SUSD5: variants seen among roughly 807,000 people sequenced by gnomAD.
SUSD5 encodes sushi domain-containing protein 5.
Under a neutral mutation model 29.5 loss-of-function variants are expected in SUSD5, and 33 were observed. The ratio of observed to expected loss-of-function variants is 1.12; its 90% CI spans 0.85 to 1.49. The LOEUF is 1.49. SUSD5 is among the 40% of genes most tolerant of loss of function. The pLI is 0.00. For missense variants in SUSD5, 776 were observed against 800.6 expected (o/e 0.97, Z 0.37); for synonymous variants, 308 against 325.3 (o/e 0.95, Z 0.57).
Position 33,150,357 on chromosome 3 carries a change from T to G in SUSD5, c.*2385A>C, listed in dbSNP as rs2030842439. On this transcript the variant is annotated 3_prime_UTR_variant, in exon 5 of 5. Transcript: ENST00000309558. Reference sequence around the variant, plus strand: ...TTATTAATACACTGTATTAATAATTTGTAATAAATTTATTAATACACTGTA... The same window carrying G: ...TTATTAATACACTGTATTAATAATTGGTAATAAATTTATTAATACACTGTA... 6.6e-6 allele frequency: 1 copy of G among 152,184 alleles called. No homozygotes were observed. Among genetic ancestry groups the G allele is most frequent in the Non-Finnish European group, 1.5e-5 (1 of 68,032 alleles). 9.4% of individuals were successfully genotyped at this position (152,184 alleles called of 1,614,324 possible).
chr3:33,166,481 A>C (rs552918511), intron 4 of SUSD5, among the ~76,000 whole-genome samples: 1 of 152,286 alleles, frequency 6.6e-6, no homozygotes, highest in South Asian at 2.1e-4. Flanking sequence ...TACTCACCAG[A>C]ATGCTGGGAA....
intron 2 of SUSD5, among the ~76,000 whole-genome samples, chr3:33,208,388 T>C (rs1241349981): frequency 6.6e-6 from 1 of 152,158 alleles, no homozygotes; most frequent in Non-Finnish European, 1.5e-5. Context: ...AAATATATGA[T>C]AATTTCCATT....
intron 3 of SUSD5, among the ~76,000 whole-genome samples, chr3:33,179,330 T>C (rs1037554905): frequency 6.6e-6 from 1 of 152,154 alleles, no homozygotes; most frequent in African/African-American, 2.4e-5. Flanking sequence ...CAGAAATCAA[T>C]ACCCGAAGAA....
At position 33,153,999 on chromosome 3, in the gene SUSD5, G is replaced by A. The variant is rs1489967711; in HGVS notation, c.633C>T (p.Asn211=). Residue 211 remains asparagine, a synonymous_variant, in exon 5 of 5, where the codon AAC becomes AAT. Coordinates refer to ENST00000309558, the MANE Select transcript of SUSD5 (RefSeq NM_015551.2). The part of the protein sequence containing the change: ...EAEAHIDYED[N]FPDDRSVSFR... ...ATGACACAGATCTGTCATCAGGGAA[G>A]TTATCTTCATAGTCAATGTGTGCCT... The A allele has an allele frequency of 6.2e-7, 1 of 1,603,294 alleles. No homozygotes were observed. Among genetic ancestry groups the A allele is most frequent in the South Asian group, 1.1e-5 (1 of 88,732 alleles).
intron 3 of SUSD5, among the ~76,000 whole-genome samples, chr3:33,181,716 C>A (rs1471110134): frequency 6.6e-6 from 1 of 152,078 alleles, no homozygotes; most frequent in Non-Finnish European, 1.5e-5. Flanking sequence ...TTTTACTGTA[C>A]CTTTTCTATG....
intron 3 of SUSD5, among the ~76,000 whole-genome samples, chr3:33,196,499 C>T (rs375879268): frequency 3.0e-4 from 45 of 152,148 alleles, no homozygotes; most frequent in African/African-American, 6.8e-4. Flanking sequence ...TGCCCTAACA[C>T]AGACAACAGC....
chr3:33,218,634 C>T (rs985397369), intron 1 of SUSD5, 52 bp downstream of exon 1: 2 of 1,251,614 alleles, frequency 1.6e-6, no homozygotes, highest in Admixed American at 4.2e-5. Context: ...TACGCCCTCC[C>T]TGCCCGGACC....
chr3:33,180,994 A>G (rs1455957715), intron 3 of SUSD5, among the ~76,000 whole-genome samples: 1 of 150,750 alleles, frequency 6.6e-6, no homozygotes, highest in Non-Finnish European at 1.5e-5. Context: ...AAATAATAAT[A>G]ATAATAATAA....
chr3:33,152,076 T>C lies in SUSD5; in HGVS notation c.*666A>G, dbSNP rs2030910687. 1 of 152,270 alleles carries C rather than the reference T, an allele frequency of 6.6e-6. No homozygotes were observed. Among genetic ancestry groups the C allele is most frequent in the African/African-American group, 2.4e-5 (1 of 41,456 alleles). 9.4% of individuals were successfully genotyped at this position (152,270 alleles called of 1,614,324 possible). On this transcript the variant is annotated 3_prime_UTR_variant, in exon 5 of 5. Coordinates refer to ENST00000309558, the MANE Select transcript of SUSD5 (RefSeq NM_015551.2). ...ATACTGCTCTCATACACTTGGTTTA[T>C]CATGACTATTTATAAAATTTCAGGG...
At chr3:33,203,702 T>C (rs1458086653) in intron 3 of SUSD5, among the ~76,000 whole-genome samples, 3 of 152,190 alleles carry the variant, frequency 2.0e-5, no homozygotes, top group Non-Finnish European at 2.9e-5. Context: ...ACCTAGATAC[T>C]CTGCCTCTGG....
chr3:33,200,806 G>T (rs139968621), intron 3 of SUSD5, among the ~76,000 whole-genome samples: 93 of 152,292 alleles, frequency 6.1e-4, no homozygotes, highest in East Asian at 2.9e-3. Context: ...AAATGGCAAA[G>T]AACTTGGCTG....
At chr3:33,180,848 A>T (rs1030363338) in intron 3 of SUSD5, among the ~76,000 whole-genome samples, 2 of 149,560 alleles carry the variant, frequency 1.3e-5, no homozygotes, top group African/African-American at 2.5e-5. Flanking sequence ...TCAAAAAAAA[A>T]ATTTTTTTTT....
At chr3:33,195,184 GACTCTGT>G (rs2125627920) in intron 3 of SUSD5, among the ~76,000 whole-genome samples, 1 of 152,318 alleles carries the variant, frequency 6.6e-6, no homozygotes, top group Admixed American at 6.5e-5. Flanking sequence ...GACAGAGTGA[GACTCTGT>G]CTCAAAACAA....
intron 3 of SUSD5, among the ~76,000 whole-genome samples, chr3:33,207,230 A>G (rs1050056027): frequency 6.6e-6 from 1 of 152,164 alleles, no homozygotes; most frequent in Admixed American, 6.5e-5. Context: ...GTACTGTCCA[A>G]TATGAAGAGA....
chr3:33,159,350 G>C (rs12631258), intron 4 of SUSD5, among the ~76,000 whole-genome samples: 20,692 of 152,144 alleles, frequency 0.14, 1,681 homozygotes, highest in South Asian at 0.25. Flanking sequence ...AAATCTTCCA[G>C]CACCTCAGAG....
At chr3:33,182,252 T>C (rs1421678482) in intron 3 of SUSD5, among the ~76,000 whole-genome samples, 1 of 152,224 alleles carries the variant, frequency 6.6e-6, no homozygotes, top group Non-Finnish European at 1.5e-5. Flanking sequence ...CATTCTGTTA[T>C]TGTTTTCTAC....
intron 4 of SUSD5, among the ~76,000 whole-genome samples, chr3:33,161,910 C>T (rs1174340705): frequency 2.6e-5 from 4 of 152,032 alleles, no homozygotes; most frequent in African/African-American, 7.2e-5. Context: ...ACATCTCTAT[C>T]ATTAATAATT....
chr3:33,206,414 T>A (rs747707140), intron 3 of SUSD5, among the ~76,000 whole-genome samples: 85 of 2,274 alleles, frequency 0.037, no homozygotes, highest in Middle Eastern at 0.25. Flanking sequence ...TTTACTTGAG[T>A]GTGTGTGTGT....
intron 4 of SUSD5, among the ~76,000 whole-genome samples, chr3:33,166,923 A>G (rs1234464271): frequency 6.6e-6 from 1 of 152,172 alleles, no homozygotes; most frequent in African/African-American, 2.4e-5. Flanking sequence ...ACATGCCTGT[A>G]ATCCCAGCAC....
Sources: allele counts gnomAD v4.1 joint callset (sites outside exome capture counted in the v4.1 genomes callset), GRCh38; gene constraint gnomAD v4.1.1; transcripts MANE v1.5; gene names NCBI Gene and HGNC (gene_info 2026-07-23, HGNC 2026-07-21).